The following KCNT1 variants were observed in gnomAD, a reference collection of about 807,000 sequenced individuals.
The protein encoded by KCNT1 is potassium sodium-activated channel subfamily T member 1.
Under a neutral mutation model 147.8 loss-of-function variants are expected in KCNT1, and 78 were observed. The ratio of observed to expected loss-of-function variants is 0.53; its 90% CI spans 0.44 to 0.64. The LOEUF (loss-of-function observed/expected upper bound fraction) is 0.64. Among genes scored for constraint, KCNT1 ranks in the 30% least tolerant of loss-of-function variants. The pLI is 0.00. For missense variants in KCNT1, 1,419 were observed against 1,750.3 expected, an observed-to-expected ratio of 0.81 and a Z score of 3.38; for synonymous variants, 867 against 748.8, an observed-to-expected ratio of 1.16 and a Z score of -2.58.
chr9:135,713,722 C>T, intron 1 of KCNT1, among the ~76,000 whole-genome samples: 1 of 152,198 alleles, frequency 6.6e-6, no homozygotes, highest in East Asian at 1.9e-4. Flanking sequence ...GTAAGGAGCT[C>T]CCTGCCCCTC....
chr9:135,728,994 G>C (rs1240222403), intron 2 of KCNT1, among the ~76,000 whole-genome samples: 1 of 152,220 alleles, frequency 6.6e-6, no homozygotes, highest in African/African-American at 2.4e-5. Flanking sequence ...GACTATGACT[G>C]TATTTGGAAA....
In KCNT1 at chr9:135,771,217, T is replaced by TGGGACAGGAGACCAGGC. The variant is rs1362031918; in HGVS notation, c.2008+123_2008+139dup. ...GGCAGGACAGGGGGAGGTGACCAGG[T>TGGGACAGGAGACCAGGC]GGGACAGGAGACCAGGCAGGACAGG... On this transcript the variant is annotated intron_variant, in intron 18 of 30. Coordinates refer to ENST00000371757, the MANE Select transcript of KCNT1 (RefSeq NM_020822.3). The TGGGACAGGAGACCAGGC allele has an allele frequency of 3.4e-6, 3 of 877,880 alleles. No homozygotes were observed. In the African/African-American group the frequency reaches 5.1e-5, roughly 15 times the overall value. 54.4% of individuals were successfully genotyped at this position (877,880 alleles called of 1,614,324 possible).
At chr9:135,721,584 C>T (rs926212693) in intron 2 of KCNT1, among the ~76,000 whole-genome samples, 5 of 152,210 alleles carry the variant, frequency 3.3e-5, no homozygotes, top group South Asian at 2.1e-4. Context: ...GCCTCGGGGC[C>T]GCCTGTCTGT....
chr9:135,703,359 G>T (rs982492954), intron 1 of KCNT1, among the ~76,000 whole-genome samples: 3 of 152,240 alleles, frequency 2.0e-5, no homozygotes, highest in Non-Finnish European at 2.9e-5. Context: ...TGTTCTATGG[G>T]ACTCAGTTTC....
chr9:135,715,550 A>AGGGCTCCGTCACCACCCAGCCCT (rs138177894), intron 2 of KCNT1, among the ~76,000 whole-genome samples: 99,016 of 148,948 alleles, frequency 0.66, 32,939 homozygotes, highest in Middle Eastern at 0.81. Context: ...CACTGTCTCC[A>AGGGCTCCGTCACCACCCAGCCCT]GGGCTCCGTC....
intron 15 of KCNT1, 40 bp downstream of exon 15, chr9:135,768,977 C>T (rs751654481): frequency 1.3e-6 from 2 of 1,496,668 alleles, no homozygotes; most frequent in East Asian, 2.3e-5. Flanking sequence ...GTATCTGGGG[C>T]AGGGCACGTG....
chr9:135,742,556 A>C (rs981406735), intron 2 of KCNT1, among the ~76,000 whole-genome samples: 4 of 152,128 alleles, frequency 2.6e-5, no homozygotes, highest in African/African-American at 7.2e-5. Flanking sequence ...CTGCACATGG[A>C]CTGCCTCCCA....
intron 13 of KCNT1, among the ~76,000 whole-genome samples, chr9:135,767,035 G>A (rs1468938895): frequency 2.0e-5 from 3 of 152,170 alleles, no homozygotes; most frequent in African/African-American, 7.2e-5. Context: ...ATGTGTCGGT[G>A]CACTTTCTGG....
At chr9:135,755,021 G>C in intron 5 of KCNT1, 100 bp from the exon 6 acceptor site, 1 of 1,063,304 alleles carries the variant, frequency 9.4e-7, no homozygotes, top group Non-Finnish European at 1.3e-6. Flanking sequence ...GCACATGCTT[G>C]GGGCCAGTGG....
At chr9:135,705,317 C>T (rs530919788) in intron 1 of KCNT1, among the ~76,000 whole-genome samples, 3 of 152,326 alleles carry the variant, frequency 2.0e-5, no homozygotes, top group African/African-American at 7.2e-5. Flanking sequence ...ACAAACAATC[C>T]CAGGTTTCTC....
At chr9:135,784,148 G>C (rs1310831945) in intron 25 of KCNT1, 23 bp downstream of exon 25, 4 of 1,584,770 alleles carry the variant, frequency 2.5e-6, no homozygotes, top group Non-Finnish European at 2.6e-6. Context: ...GCGGCAGCAG[G>C]AGGGTGGCGC....
At chr9:135,750,457 G>C in intron 3 of KCNT1, 1 of 529,648 alleles carries the variant, frequency 1.9e-6, no homozygotes, top group Non-Finnish European at 3.4e-6. Context: ...ACCAGGCTGG[G>C]TGGGGCAGGA....
intron 11 of KCNT1, among the ~76,000 whole-genome samples, chr9:135,764,720 CAA>C (rs1308673156): frequency 1.3e-5 from 2 of 152,148 alleles, no homozygotes; most frequent in Admixed American, 6.5e-5. Flanking sequence ...CGCTTACCAT[CAA>C]GAGAGTGATC....
chr9:135,765,924 A>T (rs1832241143), intron 13 of KCNT1, among the ~76,000 whole-genome samples, 164 bp downstream of exon 13: 1 of 152,002 alleles, frequency 6.6e-6, no homozygotes, highest in Non-Finnish European at 1.5e-5. Flanking sequence ...TCCAGGGTGG[A>T]TCGTCCGGGG....
At chr9:135,781,053 G>A (rs1833574483) in intron 24 of KCNT1, among the ~76,000 whole-genome samples, 3 of 152,328 alleles carry the variant, frequency 2.0e-5, no homozygotes, top group South Asian at 2.1e-4. Flanking sequence ...CCCACGCTCC[G>A]CCCCGCCGTG....
chr9:135,784,500 TC>T (rs763143558), intron 25 of KCNT1, 34 bp from the exon 26 acceptor site: 5 of 156,212 alleles, frequency 3.2e-5, no homozygotes, highest in East Asian at 2.6e-4. Flanking sequence ...CCTCCCTCCC[TC>T]CCTCCCTCCC....
Position 135,770,041 on chromosome 9 carries a change from C to T in KCNT1, c.1605C>T (p.His535=), listed in dbSNP as rs1339025046. ...ATSTLITLLV[H]TSRGQEGQES... ...CCACCCTCATCACCCTGCTGGTGCA[C>T]ACGTCCCGCGGCCAGTGAGTGCCCC... The change falls in exon 16 of 31, where the codon CAC becomes CAT. Residue 535 remains histidine, a synonymous_variant. Transcript: ENST00000371757. The T allele has an allele frequency of 1.9e-6, 3 of 1,551,390 alleles. No individual in the cohort carries two copies. Among genetic ancestry groups the T allele is most frequent in the Non-Finnish European group, 2.6e-6 (3 of 1,147,920 alleles).
chr9:135,784,938 T>G (rs1054044176), intron 27 of KCNT1, 49 bp downstream of exon 27: 7 of 1,590,926 alleles, frequency 4.4e-6, no homozygotes, highest in Non-Finnish European at 6.0e-6. Flanking sequence ...CTGTCCTGTG[T>G]GACCCACAGC....
Position 135,784,495 on chromosome 9 carries a change from C to CTCCCTCCCTCCT in KCNT1, c.2944-29_2944-28insTTCCCTCCCTCC. 2.4e-5 allele frequency: 9 copies of CTCCCTCCCTCCT among 372,800 alleles called. No individual in the cohort carries two copies. The South Asian group carries it at 2.9e-4, about 12-fold the overall frequency. The allele number at this position is 372,800 out of a possible 1,614,324, so 23.1% of individuals were successfully genotyped here. On this transcript the variant is annotated intron_variant, in intron 25 of 30. Transcript: ENST00000371757. ...TGCCTCACTGTGGCTCCCTCCCTCC[C>CTCCCTCCCTCCT]TCCCTCCCTCCCTCCCTCCCTCCCT...
Sources: allele counts gnomAD v4.1 joint callset (sites outside exome capture counted in the v4.1 genomes callset), GRCh38; gene constraint gnomAD v4.1.1; transcripts MANE v1.5; gene names NCBI Gene and HGNC (gene_info 2026-07-23, HGNC 2026-07-21).